CACNB2: variants seen among roughly 807,000 people sequenced by gnomAD.
The protein encoded by CACNB2 is calcium voltage-gated channel auxiliary subunit beta 2.
Under a neutral mutation model 73.3 loss-of-function variants are expected in CACNB2, and 42 were observed. The observed-to-expected ratio is 0.57, with a 90% CI of 0.45 to 0.74. The LOEUF (loss-of-function observed/expected upper bound fraction) is 0.74, where lower values mean the gene tolerates loss of function less well. Ranked by LOEUF, CACNB2 falls within the 30% of genes least tolerant of loss-of-function variation. The pLI is 0.00. For missense variants in CACNB2, 940 were observed against 853.0 expected, an observed-to-expected ratio of 1.10 and a Z score of -1.27; for synonymous variants, 348 against 310.3, an observed-to-expected ratio of 1.12 and a Z score of -1.28.
chr10:18,209,929 G>A (rs12359899), intron 2 of CACNB2, among the ~76,000 whole-genome samples: 2,201 of 152,234 alleles, frequency 0.014, 72 homozygotes, highest in East Asian at 0.14. Flanking sequence ...ACTACCAAAA[G>A]CTCCTTGGTG....
chr10:18,525,048 A>C (rs7897421), intron 9 of CACNB2, among the ~76,000 whole-genome samples: 52,664 of 147,574 alleles, frequency 0.36, 9,946 homozygotes, highest in East Asian at 0.69. Context: ...AAAAAAAAAA[A>C]ACACATTATA....
chr10:18,411,239 A>G (rs2044608972), intron 3 of CACNB2, among the ~76,000 whole-genome samples: 1 of 149,986 alleles, frequency 6.7e-6, no homozygotes, highest in Admixed American at 6.6e-5. Flanking sequence ...GCATTAGCTT[A>G]GATTGCGTTT....
intron 2 of CACNB2, among the ~76,000 whole-genome samples, chr10:18,377,967 T>G (rs975936114): frequency 6.6e-6 from 1 of 152,176 alleles, no homozygotes; most frequent in Non-Finnish European, 1.5e-5. Flanking sequence ...GCCCTTGAAC[T>G]CTTTCTTTTG....
chr10:18,319,708 A>G lies in CACNB2; in HGVS notation c.214-82216A>G, dbSNP rs867837563. Among the ~76,000 whole-genome samples the G allele has an allele frequency of 9.2e-5, 14 of 152,338 alleles. No individual in the cohort carries two copies. In the South Asian group the frequency reaches 2.9e-3, roughly 32 times the overall value. On this transcript the variant is annotated intron_variant, in intron 2 of 13. Transcript: ENST00000324631. Reference sequence around the variant, plus strand: ...ATATTTTGTAACTGAGAAAGATAGTAAATAAACAAACCAAATAAACTGACA... The same window carrying G: ...ATATTTTGTAACTGAGAAAGATAGTGAATAAACAAACCAAATAAACTGACA...
intron 3 of CACNB2, among the ~76,000 whole-genome samples, chr10:18,422,112 C>T (rs1462518122): frequency 3.3e-5 from 5 of 152,164 alleles, no homozygotes; most frequent in South Asian, 2.1e-4. Context: ...ACCAAAAGAC[C>T]GTTTCAAGTT....
chr10:18,475,873 G>A (rs1419217376), intron 3 of CACNB2, among the ~76,000 whole-genome samples: 1 of 152,112 alleles, frequency 6.6e-6, no homozygotes, highest in African/African-American at 2.4e-5. Context: ...CCAATGTTGT[G>A]TTACTAGAAA....
At chr10:18,349,917 G>A (rs1006120666) in intron 2 of CACNB2, among the ~76,000 whole-genome samples, 16 of 152,106 alleles carry the variant, frequency 1.1e-4, no homozygotes, top group African/African-American at 3.9e-4. Flanking sequence ...TGTTGCATGA[G>A]GCCAAATGCT....
At chr10:18,145,018 C>G (rs375625094) in intron 1 of CACNB2, among the ~76,000 whole-genome samples, 4 of 152,186 alleles carry the variant, frequency 2.6e-5, no homozygotes, top group African/African-American at 9.7e-5. Flanking sequence ...TATCTCAGCA[C>G]TCTAGGCCTC....
intron 7 of CACNB2, 177 bp downstream of exon 7, chr10:18,514,546 C>G (rs376932605): frequency 6.2e-7 from 1 of 1,613,300 alleles, no homozygotes; most frequent in African/African-American, 1.3e-5. Flanking sequence ...TTTACATTGA[C>G]ATAAGCTGTG....
intron 2 of CACNB2, among the ~76,000 whole-genome samples, chr10:18,193,271 T>C (rs202055171): frequency 6.9e-3 from 11 of 1,590 alleles, no homozygotes; most frequent in African/African-American, 0.019. Context: ...AGTGTCAAGC[T>C]TTTTTTTTTT....
At chr10:18,521,766 C>A (rs1359398366) in intron 9 of CACNB2, among the ~76,000 whole-genome samples, 1 of 152,204 alleles carries the variant, frequency 6.6e-6, no homozygotes, top group Non-Finnish European at 1.5e-5. Flanking sequence ...TAGGTTATTA[C>A]AGGGGACCTG....
intron 2 of CACNB2, among the ~76,000 whole-genome samples, chr10:18,338,669 TTC>T (rs1481297814): frequency 1.8e-5 from 2 of 109,982 alleles, no homozygotes; most frequent in Non-Finnish European, 3.6e-5. Flanking sequence ...TTTTCTTTTT[TTC>T]TCTCTCCTTC....
chr10:18,320,707 A>G (rs2040368967), intron 2 of CACNB2, among the ~76,000 whole-genome samples: 1 of 152,180 alleles, frequency 6.6e-6, no homozygotes, highest in Non-Finnish European at 1.5e-5. Flanking sequence ...TGAATGAATA[A>G]ATGCATGGAA....
In CACNB2 at chr10:18,168,263, C is replaced by A. The variant is rs191029833; in HGVS notation, c.213+17288C>A. Among the ~76,000 whole-genome samples, 162 of 152,134 alleles carry A rather than the reference C, an allele frequency of 1.1e-3. 1 individual carries two copies. Among genetic ancestry groups the A allele is most frequent in the Non-Finnish European group, 1.5e-5 (1 of 67,998 alleles). On this transcript the variant is annotated intron_variant, in intron 2 of 13. Transcript: ENST00000324631. ...ATCAAACCTGGGCAACAGAGCAAGA[C>A]CCTGTCTCTAAAAATATAACTAAAA...
intron 3 of CACNB2, among the ~76,000 whole-genome samples, chr10:18,470,360 A>G (rs936277351): frequency 1.3e-5 from 2 of 149,024 alleles, no homozygotes; most frequent in Admixed American, 6.8e-5. Flanking sequence ...AGACTGTGAT[A>G]TATTGCATAT....
At chr10:18,453,586 A>G (rs1310271632) in intron 3 of CACNB2, among the ~76,000 whole-genome samples, 6 of 152,242 alleles carry the variant, frequency 3.9e-5, no homozygotes, top group African/African-American at 1.4e-4. Context: ...CAGAACATTA[A>G]TGAAAGAGTT....
At chr10:18,446,460 G>A (rs984335730) in intron 3 of CACNB2, among the ~76,000 whole-genome samples, 1 of 152,142 alleles carries the variant, frequency 6.6e-6, no homozygotes, top group Non-Finnish European at 1.5e-5. Flanking sequence ...GACATGTTAA[G>A]GTGACTATAA....
chr10:18,259,570 A>AAAAAGAAAAC (rs2037439663), intron 2 of CACNB2, among the ~76,000 whole-genome samples: 6 of 116,956 alleles, frequency 5.1e-5, no homozygotes, highest in Non-Finnish European at 7.1e-5. Flanking sequence ...CAAACAAAAA[A>AAAAAGAAAAC]AAAAAGTAAA....
chr10:18,414,599 C>G lies in CACNB2; in HGVS notation c.333+12556C>G, dbSNP rs944570805. Among the ~76,000 whole-genome samples the G allele has an allele frequency of 1.6e-4, 24 of 151,560 alleles. 1 individual carries two copies. Among genetic ancestry groups the G allele is most frequent in the Admixed American group, 1.6e-3 (24 of 15,220 alleles). On this transcript the variant is annotated intron_variant, in intron 3 of 13. Coordinates refer to ENST00000324631, the MANE Select transcript of CACNB2 (RefSeq NM_201596.3). ...TCCCGAGTTCAAGCAATTCTCCTGC[C>G]TCAGCCTCCCAAGTTGCTAGGATTA... is the stretch of plus-strand genomic sequence containing the variant.
Sources: allele counts gnomAD v4.1 joint callset (sites outside exome capture counted in the v4.1 genomes callset), GRCh38; gene constraint gnomAD v4.1.1; transcripts MANE v1.5; gene names NCBI Gene and HGNC (gene_info 2026-07-23, HGNC 2026-07-21).